The following ARHGEF9 variants were observed in gnomAD, a reference collection of about 807,000 sequenced individuals.
The protein encoded by ARHGEF9 is Cdc42 guanine nucleotide exchange factor 9.
In ARHGEF9, 2 loss-of-function variants were observed where a neutral mutation model predicts 41.3. The ratio of observed to expected loss-of-function variants is 0.05; its 90% CI spans 0.02 to 0.15. ARHGEF9 has a LOEUF of 0.15. ARHGEF9 is among the 10% of genes least tolerant of loss of function. The pLI is 1.00. For synonymous variants in ARHGEF9, 160 were observed against 154.4 expected (o/e 1.04, Z -0.27); for missense variants, 225 against 424.7 (o/e 0.53, Z 4.13).
intron 6 of ARHGEF9, among the ~76,000 whole-genome samples, chrX:63,669,384 C>A (rs1409796503): frequency 8.9e-6 from 1 of 111,986 alleles, no homozygotes; most frequent in African/African-American, 3.2e-5. Flanking sequence ...ATCCTCATTG[C>A]CCAGCATAGG....
rs2047359784 is a variant in ARHGEF9, at chrX:63,637,374, C to T, written c.*654G>A. ...GTCACAGGGCACAACAGAGCATGTC[C>T]AGACTGGCATGACTGAGGACAGAGG... On this transcript the variant is annotated 3_prime_UTR_variant, in exon 10 of 10. Coordinates refer to ENST00000671741, the MANE Select transcript of ARHGEF9 (RefSeq NM_001353921.2). 3.4e-6 allele frequency: 1 copy of T among 293,916 alleles called. No homozygotes were observed. Among genetic ancestry groups the T allele is most frequent in the Non-Finnish European group, 5.9e-6 (1 of 169,519 alleles). 24.2% of individuals were successfully genotyped at this position (293,916 alleles called of 1,213,427 possible). A position where few individuals can be genotyped will look rare whatever the true frequency, so the allele number is the denominator to read the frequency against.
chrX:63,730,563 G>A (rs1223911897), intron 1 of ARHGEF9, among the ~76,000 whole-genome samples: 1 of 112,005 alleles, frequency 8.9e-6, no homozygotes, highest in Non-Finnish European at 1.9e-5. Context: ...CTTGAGTATT[G>A]ATTAGGTAGG....
At chrX:63,769,662 G>C (rs1307209669) in intron 1 of ARHGEF9, among the ~76,000 whole-genome samples, 1 of 111,437 alleles carries the variant, frequency 9.0e-6, no homozygotes, top group South Asian at 3.8e-4. Flanking sequence ...TCAATCTAGG[G>C]ACTTGGTGCC....
chrX:63,694,978 G>A (rs1556386084), intron 4 of ARHGEF9, among the ~76,000 whole-genome samples: 1 of 112,059 alleles, frequency 8.9e-6, no homozygotes, highest in African/African-American at 3.2e-5. Flanking sequence ...GTTTAAGTGG[G>A]GTCTATCCCA....
At chrX:63,672,061 G>C (rs1556356264) in intron 6 of ARHGEF9, among the ~76,000 whole-genome samples, 1 of 111,109 alleles carries the variant, frequency 9.0e-6, no homozygotes, top group East Asian at 2.9e-4. Context: ...TTGGAGGTAA[G>C]GCCTTGGGGG....
At chrX:63,638,658 C>G (rs1321192978) in intron 9 of ARHGEF9, 2 of 304,221 alleles carry the variant, frequency 6.6e-6, no homozygotes, top group East Asian at 4.6e-5. Context: ...CTTCTCCAGT[C>G]CCCCCTGGAA....
intron 1 of ARHGEF9, among the ~76,000 whole-genome samples, chrX:63,756,806 T>C (rs1458811805): frequency 8.9e-6 from 1 of 112,011 alleles, no homozygotes; most frequent in East Asian, 2.8e-4. Flanking sequence ...GTCTTTCTCC[T>C]AGTCTTTGAA....
At chrX:63,639,455 G>T (rs1162956072) in intron 9 of ARHGEF9, 9 of 111,536 alleles carry the variant, frequency 8.1e-5, no homozygotes, top group African/African-American at 2.9e-4. Flanking sequence ...TCTTTACCCA[G>T]TTTTCCCAAT....
At chrX:63,762,226 C>T (rs1197591427) in intron 1 of ARHGEF9, among the ~76,000 whole-genome samples, 10 of 111,837 alleles carry the variant, frequency 8.9e-5, no homozygotes, top group Non-Finnish European at 7.5e-5. Context: ...ATTGGACATT[C>T]GGGACACAAT....
chrX:63,649,544 G>A (rs1449307961), intron 8 of ARHGEF9, among the ~76,000 whole-genome samples: 1 of 111,567 alleles, frequency 9.0e-6, no homozygotes, highest in Non-Finnish European at 1.9e-5. Flanking sequence ...AGAAGCAAGA[G>A]CAAATACATT....
At chrX:63,671,611 T>C (rs1342671575) in intron 6 of ARHGEF9, 2 of 112,688 alleles carry the variant, frequency 1.8e-5, no homozygotes, top group Admixed American at 1.9e-4. Flanking sequence ...GCTTTGTCAC[T>C]GACTTGCTGT....
intron 3 of ARHGEF9, chrX:63,703,298 T>A (rs2052309618): frequency 8.9e-6 from 1 of 112,170 alleles, no homozygotes; most frequent in South Asian, 3.7e-4. Context: ...GAAAGACAAA[T>A]AACTTCCATT....
At chrX:63,743,655 T>TATCATGAA (rs2055096606) in intron 1 of ARHGEF9, among the ~76,000 whole-genome samples, 1 of 112,498 alleles carries the variant, frequency 8.9e-6, no homozygotes, top group Non-Finnish European at 1.9e-5. Context: ...GAAAACCCAG[T>TATCATGAA]AATCCATCAC....
intron 5 of ARHGEF9, among the ~76,000 whole-genome samples, chrX:63,674,696 C>T (rs1401281555): frequency 2.7e-5 from 3 of 111,379 alleles, no homozygotes; most frequent in African/African-American, 9.8e-5. Flanking sequence ...TCTTAGTGCA[C>T]CTGAAGGAAA....
chrX:63,666,453 T>TACATACACACAC (rs1556348917), intron 6 of ARHGEF9, among the ~76,000 whole-genome samples: 1 of 81,263 alleles, frequency 1.2e-5, no homozygotes, highest in Non-Finnish European at 2.4e-5. Flanking sequence ...TATATATACA[T>TACATACACACAC]ACACACACAC....
At chrX:63,681,848 T>C (rs1373244974) in intron 4 of ARHGEF9, among the ~76,000 whole-genome samples, 10 of 110,872 alleles carry the variant, frequency 9.0e-5, no homozygotes, top group Middle Eastern at 4.2e-3. Flanking sequence ...CATGAAGATA[T>C]TACAAAAGAT....
intron 1 of ARHGEF9, among the ~76,000 whole-genome samples, chrX:63,749,373 G>A (rs1482688898): frequency 6.3e-5 from 7 of 111,599 alleles, no homozygotes; most frequent in Middle Eastern, 4.7e-3. Flanking sequence ...CTGGACTACA[G>A]GCGTGTGCCA....
At chrX:63,694,440 T>A (rs1556385261) in intron 4 of ARHGEF9, among the ~76,000 whole-genome samples, 1 of 112,149 alleles carries the variant, frequency 8.9e-6, no homozygotes, top group Non-Finnish European at 1.9e-5. Flanking sequence ...GCATTAGAGT[T>A]CAAAACTGGA....
intron 4 of ARHGEF9, among the ~76,000 whole-genome samples, chrX:63,681,651 T>C (rs782089849): frequency 9.1e-6 from 1 of 109,381 alleles, no homozygotes; most frequent in East Asian, 2.9e-4. Flanking sequence ...AAATAAACAA[T>C]CTGATATTCC....
Sources: allele counts gnomAD v4.1 joint callset (sites outside exome capture counted in the v4.1 genomes callset), GRCh38; gene constraint gnomAD v4.1.1; transcripts MANE v1.5; gene names NCBI Gene and HGNC (gene_info 2026-07-23, HGNC 2026-07-21).